The following ZDHHC19 variants were observed in gnomAD, a reference collection of about 807,000 sequenced individuals.
ZDHHC19 encodes the protein zDHHC palmitoyltransferase 19, also known as palmitoyltransferase ZDHHC19.
In ZDHHC19, 30 loss-of-function variants were observed where a neutral mutation model predicts 33.9. The observed-to-expected ratio is 0.88, with a 90% CI of 0.66 to 1.20. ZDHHC19 has a LOEUF of 1.20. Ranked by LOEUF, ZDHHC19 falls within the 50% of genes most tolerant of loss-of-function variation. The pLI is 0.00. For synonymous variants in ZDHHC19, 178 were observed against 167.6 expected (o/e 1.06, Z -0.48); for missense variants, 364 against 401.1 (o/e 0.91, Z 0.79).
intron 5 of ZDHHC19, among the ~76,000 whole-genome samples, chr3:196,200,641 AC>A (rs1722260539): frequency 7.0e-6 from 1 of 142,226 alleles, no homozygotes; most frequent in Non-Finnish European, 1.5e-5. Context: ...AGCGTGAGCC[AC>A]CACGCCTGGC....
At chr3:196,202,397 A>G (rs9812036) in intron 5 of ZDHHC19, 7,645 of 152,226 alleles carry the variant, frequency 0.05, 201 homozygotes, top group East Asian at 0.06. Context: ...TAAGTTACAG[A>G]CCCAATTCCT....
intron 7 of ZDHHC19, 126 bp downstream of exon 7, chr3:196,198,150 C>T: frequency 1.0e-6 from 1 of 974,502 alleles, no homozygotes; most frequent in Non-Finnish European, 1.4e-6. Flanking sequence ...CCCTCCTCCC[C>T]CCAAGCTCGG....
intron 5 of ZDHHC19, 95 bp from the exon 6 acceptor site, chr3:196,198,969 G>C (rs1722026501): frequency 7.6e-7 from 1 of 1,322,816 alleles, no homozygotes; most frequent in Non-Finnish European, 1.1e-6. Flanking sequence ...CAGCTAGCCA[G>C]GGCTCAGCCC....
chr3:196,198,858 C>T lies in ZDHHC19; in HGVS notation c.704G>A (p.Gly235Glu), dbSNP rs368726774. Residue 235 changes from glycine (G) to glutamate (E), a missense_variant, in exon 6 of 8, where the codon GGA (glycine) becomes GAA (glutamate). Coordinates refer to ENST00000296326, the MANE Select transcript of ZDHHC19 (RefSeq NM_001039617.2). ...ACAGCCCTGGTCGAAGGGGTTGTAT[C>T]CCTGAAGGTGTCTGCACTGGTCGGG... Reference protein sequence around the residue: ...TYKGKCRHLQGYNPFDQGCAS... With the variant: ...TYKGKCRHLQEYNPFDQGCAS... The T allele has an allele frequency of 1.2e-6, 2 of 1,614,032 alleles. No homozygotes were observed. The highest frequency in any genetic ancestry group is 1.7e-6 in the Non-Finnish European group (2 of 1,179,938).
intron 5 of ZDHHC19, among the ~76,000 whole-genome samples, chr3:196,202,039 C>A (rs1368285826): frequency 3.9e-5 from 6 of 152,134 alleles, no homozygotes; most frequent in Admixed American, 3.3e-4. Context: ...GTTCCAGGGG[C>A]CGGGCGTGGT....
Position 196,211,277 on chromosome 3 carries a change from C to G in ZDHHC19, c.39G>C (p.Glu13Asp). ...LLTDATPLVKEPHPLPLVPRP... is the reference protein window; with the variant it reads ...LLTDATPLVKDPHPLPLVPRP... ...GTGGGACCAGAGGCAGGGGATGGGG[C>G]TCCTTCACCAGCGGCGTGGCATCCG... is the stretch of plus-strand genomic sequence containing the variant. Residue 13 changes from glutamate to aspartate, a missense_variant, in exon 1 of 8, where the codon GAG becomes GAC. Transcript: ENST00000296326. 1.2e-6 allele frequency: 2 copies of G among 1,613,982 alleles called. No homozygotes were observed. Among genetic ancestry groups the G allele is most frequent in the Non-Finnish European group, 1.7e-6 (2 of 1,179,916 alleles).
intron 5 of ZDHHC19, 27 bp from the exon 6 acceptor site, chr3:196,198,901 G>T (rs1242811941): frequency 6.2e-7 from 1 of 1,609,532 alleles, no homozygotes. Context: ...ACCGGAAGAG[G>T]AGCTCAGAAC....
At chr3:196,202,758 G>A (rs564721095) in intron 5 of ZDHHC19, among the ~76,000 whole-genome samples, 38 of 152,358 alleles carry the variant, frequency 2.5e-4, no homozygotes, top group African/African-American at 8.4e-4. Context: ...CGCCTGGTGA[G>A]AGCAGCATCC....
intron 5 of ZDHHC19, among the ~76,000 whole-genome samples, chr3:196,204,117 T>C (rs60097302): frequency 0.04 from 6,132 of 152,236 alleles, 156 homozygotes; most frequent in East Asian, 0.061. Context: ...GAAACTGTCC[T>C]TTTTCACAGA....
At chr3:196,211,069 T>A in intron 1 of ZDHHC19, 101 bp downstream of exon 1, 1 of 1,572,434 alleles carries the variant, frequency 6.4e-7, no homozygotes, top group South Asian at 1.1e-5. Flanking sequence ...TTCCCTGACC[T>A]CTCCCCCGGT....
rs1358149846 is a variant in ZDHHC19, at chr3:196,203,578, T to TGCTGCGG, written c.687+3813_687+3819dup. On this transcript the variant is annotated intron_variant, in intron 5 of 7. Coordinates refer to ENST00000296326, the MANE Select transcript of ZDHHC19 (RefSeq NM_001039617.2). This position sits in a 1 kb window ranked among gnomAD's most constrained non-coding sequence, Gnocchi z 4.3. ...GCATGTGAAGAAGGCCTGAGGCAGG[T>TGCTGCGG]GCTGCGGGCTGCGGGAAGGAGCCCT... Among the ~76,000 whole-genome samples, 8 of 152,160 alleles carry TGCTGCGG rather than the reference T, an allele frequency of 5.3e-5. No individual in the cohort carries two copies. Among genetic ancestry groups the TGCTGCGG allele is most frequent in the Non-Finnish European group, 5.9e-5 (4 of 68,030 alleles).
intron 2 of ZDHHC19, among the ~76,000 whole-genome samples, 182 bp downstream of exon 2, chr3:196,210,434 G>GAAAGAGAA (rs1390359196): frequency 1.1e-4 from 10 of 92,422 alleles, no homozygotes; most frequent in African/African-American, 3.8e-4. Flanking sequence ...AAGAAAGAAA[G>GAAAGAGAA]AGAAAGAAAG....
intron 4 of ZDHHC19, 53 bp downstream of exon 4, chr3:196,208,335 C>A: frequency 6.3e-7 from 1 of 1,583,934 alleles, no homozygotes; most frequent in Admixed American, 1.7e-5. Context: ...CCTCTGCAGC[C>A]CCCTCCTTGG....
At chr3:196,207,271 T>C (rs1418526311) in intron 5 of ZDHHC19, 127 bp downstream of exon 5, 2 of 767,748 alleles carry the variant, frequency 2.6e-6, no homozygotes, top group Non-Finnish European at 4.2e-6. Context: ...AAGAGCTGGG[T>C]CTGGAGGGAC....
rs952559090 is a variant in ZDHHC19, at chr3:196,203,251, GA to G, written c.687+4146del. 1.4e-5 allele frequency among the ~76,000 whole-genome samples: 2 copies of G among 148,040 alleles called. No homozygotes were observed. The highest frequency in any genetic ancestry group is 5.0e-5 in the African/African-American group (2 of 40,144). On this transcript the variant is annotated intron_variant, in intron 5 of 7. Transcript: ENST00000296326. The surrounding 1 kb of genome is among the most constrained non-coding windows in gnomAD (Gnocchi z 4.3). The stretch of plus-strand genomic sequence containing the variant: ...CAGAGAAATACTCTGTCTCAAAAAA[GA>G]AAAAAAAAGAAAGAAAGAAGAAAGA...
At position 196,211,276 on chromosome 3, in the gene ZDHHC19, G is replaced by T; in HGVS notation, c.40C>A (p.Pro14Thr). ...LTDATPLVKE[P>T]HPLPLVPRPW... is the part of the protein sequence containing the mutation. Reference sequence around the variant, plus strand: ...CGTGGGACCAGAGGCAGGGGATGGGGCTCCTTCACCAGCGGCGTGGCATCC... The same window carrying T: ...CGTGGGACCAGAGGCAGGGGATGGGTCTCCTTCACCAGCGGCGTGGCATCC... Residue 14 changes from proline (P) to threonine (T), a missense_variant, in exon 1 of 8, where the codon CCC becomes ACC. Pro to Thr is a conservative substitution (Grantham distance 38). Transcript: ENST00000296326. 6.2e-7 allele frequency: 1 copy of T among 1,614,048 alleles called. No homozygotes were observed. The highest frequency in any genetic ancestry group is 8.5e-7 in the Non-Finnish European group (1 of 1,179,956).
At chr3:196,210,882 G>A in intron 1 of ZDHHC19, 145 bp from the exon 2 acceptor site, 1 of 1,328,366 alleles carries the variant, frequency 7.5e-7, no homozygotes, top group East Asian at 2.5e-5. Flanking sequence ...GACTCATAAT[G>A]GCTCCACCAA....
At chr3:196,201,111 C>G (rs556647235) in intron 5 of ZDHHC19, among the ~76,000 whole-genome samples, 4 of 150,750 alleles carry the variant, frequency 2.7e-5, no homozygotes, top group Non-Finnish European at 5.9e-5. Context: ...CTCACTGTGT[C>G]GCCCAGGCTG....
In ZDHHC19 at chr3:196,210,647, G is replaced by C. The variant is rs1249027081; in HGVS notation, c.237C>G (p.Leu79=). Reference sequence around the variant, plus strand: ...GTAAGATGCCAGGGTCTGAGAAGTTGAGTGAAACAAGACTGAAGAAGGTAA... The same window carrying C: ...GTAAGATGCCAGGGTCTGAGAAGTTCAGTGAAACAAGACTGAAGAAGGTAA... ...FVLTFFSLVS[L]NFSDPGILHQ... Residue 79 remains leucine, a synonymous_variant, in exon 2 of 8, where the codon CTC becomes CTG. Transcript: ENST00000296326. The C allele has an allele frequency of 6.2e-7, 1 of 1,614,078 alleles. No homozygotes were observed. Among genetic ancestry groups the C allele is most frequent in the Admixed American group, 1.7e-5 (1 of 59,996 alleles).
Sources: gnomAD v4.1 joint callset for allele counts (sites outside exome capture counted in the v4.1 genomes callset) on GRCh38, gnomAD v4.1.1 for gene constraint, Gnocchi (gnomAD v3.1) non-coding constraint, MANE v1.5 for transcripts, NCBI Gene and HGNC (gene_info 2026-07-23, HGNC 2026-07-21) for gene names.